ARHGEF10L: variants seen among roughly 807,000 people sequenced by gnomAD.
ARHGEF10L encodes the protein rho guanine nucleotide exchange factor 10-like protein.
ARHGEF10L carries 69 observed loss-of-function variants against 141.2 expected under a neutral mutation model. The observed-to-expected ratio is 0.49, with a 90% CI of 0.40 to 0.60. The LOEUF (loss-of-function observed/expected upper bound fraction) is 0.60. Ranked by LOEUF, ARHGEF10L falls within the 20% of genes least tolerant of loss-of-function variation. ARHGEF10L has a pLI of 0.00. For missense variants in ARHGEF10L, 1,482 were observed against 1,734.3 expected (o/e 0.85, Z 2.58); for synonymous variants, 711 against 718.5 (o/e 0.99, Z 0.17).
At chr1:17,622,103 G>A (rs964143619) in intron 11 of ARHGEF10L, among the ~76,000 whole-genome samples, 162 bp downstream of exon 11, 2 of 152,188 alleles carry the variant, frequency 1.3e-5, no homozygotes, top group Admixed American at 1.3e-4. Flanking sequence ...AATGTAGGCA[G>A]CAAGAATTCC....
the ARHGEF10L span, among the ~76,000 whole-genome samples, chr1:17,524,089 C>T: frequency 2.0e-5 from 3 of 152,078 alleles, no homozygotes; most frequent in Non-Finnish European, 4.4e-5. Flanking sequence ...GCCTGGTGAA[C>T]ATGGCGAAAC....
At chr1:17,664,064 C>T (rs34926496) in intron 25 of ARHGEF10L, among the ~76,000 whole-genome samples, 4,734 of 152,200 alleles carry the variant, frequency 0.031, 253 homozygotes, top group African/African-American at 0.11. Context: ...TCCTAGAGGG[C>T]GAGACCTGTG....
chr1:17,690,154 C>A (rs1469076622), intron 27 of ARHGEF10L, among the ~76,000 whole-genome samples: 2 of 152,184 alleles, frequency 1.3e-5, no homozygotes, highest in South Asian at 2.1e-4. Flanking sequence ...TACTGTGTAG[C>A]CTTGGGCGGT....
chr1:17,599,580 G>C (rs564135263), intron 4 of ARHGEF10L, among the ~76,000 whole-genome samples: 1 of 152,200 alleles, frequency 6.6e-6, no homozygotes, highest in Admixed American at 6.5e-5. Context: ...GTGTTGAGGA[G>C]GTGGCGGCTC....
intron 15 of ARHGEF10L, among the ~76,000 whole-genome samples, chr1:17,629,189 T>C (rs2060543455): frequency 6.8e-6 from 1 of 146,676 alleles, no homozygotes; most frequent in Non-Finnish European, 1.5e-5. Flanking sequence ...CCCAGCTAAT[T>C]AATTTTTTTT....
At chr1:17,598,365 G>T (rs1446105302) in intron 4 of ARHGEF10L, among the ~76,000 whole-genome samples, 1 of 152,198 alleles carries the variant, frequency 6.6e-6, no homozygotes, top group Non-Finnish European at 1.5e-5. Flanking sequence ...ACCTTCCGAA[G>T]TTCAGGGATT....
chr1:17,530,322 C>T, the ARHGEF10L span, among the ~76,000 whole-genome samples: 4 of 152,200 alleles, frequency 2.6e-5, no homozygotes, highest in Admixed American at 2.0e-4. Flanking sequence ...CCTGGCACCC[C>T]CACTTAATCA....
rs571957794 is a variant in ARHGEF10L at position 17,635,133 on chromosome 1, T to G, written c.1927+117T>G. 5.8e-5 allele frequency: 75 copies of G among 1,285,086 alleles called. No homozygotes were observed. In the African/African-American group the frequency reaches 9.2e-4, roughly 16 times the overall value. 79.6% of individuals were successfully genotyped at this position (1,285,086 alleles called of 1,614,324 possible). On this transcript the variant is annotated intron_variant, in intron 18 of 28. Transcript: ENST00000361221. ...GGGGACCCCTACATAGGCTGATGGG[T>G]GGCTTGGCCAGGAAGCTCTTGCTGG...
In ARHGEF10L at chr1:17,619,379, C is replaced by A. The variant is rs781475311; in HGVS notation, c.876C>A (p.Ser292Arg). 4.3e-6 allele frequency: 7 copies of A among 1,612,892 alleles called. No individual in the cohort carries two copies. Among genetic ancestry groups the A allele is most frequent in the Non-Finnish European group, 5.9e-6 (7 of 1,179,784 alleles). ...EEEDMGLLEV[S>R]VSDIKPPAPE... Reference sequence around the variant, plus strand: ...AGGACATGGGGCTCCTGGAGGTCAGCGTTTCGGACATCAAGCCCCCAGCCC... The same window carrying A: ...AGGACATGGGGCTCCTGGAGGTCAGAGTTTCGGACATCAAGCCCCCAGCCC... The change falls in exon 10 of 29, where the codon AGC becomes AGA. Residue 292 changes from serine to arginine, a missense_variant. This residue lies in a region of ARHGEF10L where 392 missense variants were observed against 542.1 expected (regional missense o/e 0.72). Coordinates refer to ENST00000361221, the MANE Select transcript of ARHGEF10L (RefSeq NM_018125.4). The surrounding 1 kb of genome is among the most constrained non-coding windows in gnomAD (Gnocchi z 5.0).
intron 21 of ARHGEF10L, among the ~76,000 whole-genome samples, chr1:17,647,955 G>C (rs1295532278): frequency 6.6e-6 from 1 of 152,158 alleles, no homozygotes; most frequent in East Asian, 1.9e-4. Context: ...GGAGCTTTGA[G>C]GCCCAGCTAG....
chr1:17,648,664 C>T lies in ARHGEF10L; in HGVS notation c.2383C>T (p.Leu795Phe), dbSNP rs747509917. The change falls in exon 22 of 29, where the codon CTC (leucine) becomes TTC (phenylalanine). Residue 795 changes from leucine to phenylalanine, a missense_variant. Transcript: ENST00000361221. Reference protein sequence around the residue: ...CCIPAFSSRALSLQLGALVHS... With the variant: ...CCIPAFSSRAFSLQLGALVHS... ...CATCCCTGCCTTCTCCTCCCGGGCA[C>T]TCAGCCTGCAGGTGAGTGGAGCGGA... The T allele has an allele frequency of 6.2e-7, 1 of 1,612,670 alleles. No individual in the cohort carries two copies.
At chr1:17,515,017 A>G in the ARHGEF10L span, among the ~76,000 whole-genome samples, 2 of 152,186 alleles carry the variant, frequency 1.3e-5, no homozygotes, top group African/African-American at 4.8e-5. Flanking sequence ...TGACTATTTG[A>G]AATGGGACAC....
At position 17,603,705 on chromosome 1, in the gene ARHGEF10L, CCTT is replaced by C; in HGVS notation, c.433+118_433+120del. On this transcript the variant is annotated intron_variant, in intron 6 of 28. Transcript: ENST00000361221. This position sits in a 1 kb window ranked among gnomAD's most constrained non-coding sequence, Gnocchi z 4.8. Reference sequence around the variant, plus strand: ...TGTCCCCACCTGGCCAAGTGCCCCTCCTTCTTGTCTTTAGAAACAACTGTAGTC... The same window carrying C: ...TGTCCCCACCTGGCCAAGTGCCCCTCCTTGTCTTTAGAAACAACTGTAGTC... The C allele has an allele frequency of 3.2e-6, 3 of 942,838 alleles. No homozygotes were observed. The highest frequency in any genetic ancestry group is 3.0e-6 in the Non-Finnish European group (2 of 657,334). The allele number at this position is 942,838 out of a possible 1,614,324, so 58.4% of individuals were successfully genotyped here. A position where few individuals can be genotyped will look rare whatever the true frequency, so the allele number is the denominator to read the frequency against.
At chr1:17,521,736 G>A in the ARHGEF10L span, among the ~76,000 whole-genome samples, 1 of 152,166 alleles carries the variant, frequency 6.6e-6, no homozygotes, top group Non-Finnish European at 1.5e-5. Context: ...AACCCAGGGA[G>A]TGTGGTTCTA....
At chr1:17,562,255 A>G (rs1295056911) in intron 1 of ARHGEF10L, among the ~76,000 whole-genome samples, 2 of 152,202 alleles carry the variant, frequency 1.3e-5, no homozygotes, top group African/African-American at 4.8e-5. Context: ...TCTCTACGAA[A>G]AAATACAAAA....
intron 2 of ARHGEF10L, among the ~76,000 whole-genome samples, chr1:17,583,967 A>T (rs111963877): frequency 0.02 from 3,117 of 152,214 alleles, 84 homozygotes; most frequent in East Asian, 0.079. Context: ...TTCTCCTGCT[A>T]CAGCCTCCTG....
intron 26 of ARHGEF10L, among the ~76,000 whole-genome samples, chr1:17,669,362 C>A (rs781281171): frequency 6.6e-6 from 1 of 152,154 alleles, no homozygotes; most frequent in Non-Finnish European, 1.5e-5. Context: ...GTATACTGAG[C>A]GATTCCTTTG....
At chr1:17,587,775 G>T (rs2079151947) in intron 3 of ARHGEF10L, 130 bp downstream of exon 3, 4 of 1,053,162 alleles carry the variant, frequency 3.8e-6, no homozygotes, top group Non-Finnish European at 5.4e-6. Context: ...GGAAAAGCCA[G>T]TGGGAAGAAG....
At chr1:17,562,490 G>A (rs759826420) in intron 1 of ARHGEF10L, among the ~76,000 whole-genome samples, 5 of 152,214 alleles carry the variant, frequency 3.3e-5, no homozygotes, top group Non-Finnish European at 7.3e-5. Context: ...TGAGGATCAC[G>A]TGAAATAACA....
Sources: gnomAD v4.1 joint callset for allele counts (sites outside exome capture counted in the v4.1 genomes callset) on GRCh38, gnomAD v4.1.1 for gene constraint, gnomAD v4.1.1 regional missense constraint, Gnocchi (gnomAD v3.1) non-coding constraint, MANE v1.5 for transcripts, NCBI Gene and HGNC (gene_info 2026-07-23, HGNC 2026-07-21) for gene names.